Variants in STYX observed in about 807,000 individuals in gnomAD.
STYX encodes the protein serine/threonine/tyrosine interacting protein.
In STYX, 20 loss-of-function variants were observed where a neutral mutation model predicts 42.7. That is an observed-to-expected ratio of 0.47 (90% CI 0.33 to 0.68). The LOEUF (loss-of-function observed/expected upper bound fraction) is 0.68. Ranked by LOEUF, STYX falls within the 30% of genes least tolerant of loss-of-function variation. STYX has a pLI of 0.02. For synonymous variants in STYX, 78 were observed against 81.9 expected (o/e 0.95, Z 0.26); for missense variants, 226 against 268.5 (o/e 0.84, Z 1.11).
chr14:52,747,180 C>T (rs1449388761), intron 3 of STYX, among the ~76,000 whole-genome samples: 2 of 152,198 alleles, frequency 1.3e-5, no homozygotes, highest in African/African-American at 2.4e-5. Flanking sequence ...TGGACTTACT[C>T]AGTTGCAGTT....
Position 52,774,335 on chromosome 14 carries a change from GATAT to G in STYX, c.*3240_*3243del, listed in dbSNP as rs150193481. 6.6e-6 allele frequency: 1 copy of G among 150,380 alleles called. No individual in the cohort carries two copies. Among genetic ancestry groups the G allele is most frequent in the Admixed American group, 6.6e-5 (1 of 15,038 alleles). 9.3% of individuals were successfully genotyped at this position (150,380 alleles called of 1,614,324 possible). A position where few individuals can be genotyped will look rare whatever the true frequency, so the allele number is the denominator to read the frequency against. On this transcript the variant is annotated 3_prime_UTR_variant, in exon 11 of 11. Transcript: ENST00000354586. ...CTGCAATCTTGAATTATAAAGTTGA[GATAT>G]ATATATATATGTATCAAGATCTCAA... is the stretch of plus-strand genomic sequence containing the variant.
At chr14:52,739,913 A>G (rs575614503) in intron 1 of STYX, among the ~76,000 whole-genome samples, 329 of 151,980 alleles carry the variant, frequency 2.2e-3, no homozygotes, top group African/African-American at 7.6e-3. Flanking sequence ...AAGGGCTGGG[A>G]TTGCAGGTGT....
At chr14:52,756,508 GT>G (rs1434836053) in intron 4 of STYX, 42 bp from the exon 5 acceptor site, 10 of 1,143,448 alleles carry the variant, frequency 8.7e-6, no homozygotes, top group Admixed American at 2.4e-5. Flanking sequence ...TACCTTAAGT[GT>G]TTTACTTAAA....
At chr14:52,743,140 T>C (rs931032760) in intron 1 of STYX, among the ~76,000 whole-genome samples, 2 of 152,002 alleles carry the variant, frequency 1.3e-5, no homozygotes, top group African/African-American at 4.8e-5. Flanking sequence ...TATAGTCTAC[T>C]ACTATATTGC....
intron 9 of STYX, among the ~76,000 whole-genome samples, chr14:52,760,047 TAAA>T (rs947138622): frequency 1.3e-5 from 2 of 150,794 alleles, no homozygotes; most frequent in African/African-American, 4.9e-5. Context: ...AATAAAAAAT[TAAA>T]AAAAAATTAG....
chr14:52,769,343 CT>C (rs1882427953), intron 10 of STYX, among the ~76,000 whole-genome samples: 1 of 152,246 alleles, frequency 6.6e-6, no homozygotes, highest in Admixed American at 6.5e-5. Flanking sequence ...CAAGCATGCT[CT>C]TAAAATCTTC....
chr14:52,768,298 G>A (rs1018212796), intron 9 of STYX, among the ~76,000 whole-genome samples: 1 of 152,092 alleles, frequency 6.6e-6, no homozygotes, highest in East Asian at 1.9e-4. Context: ...GACACCAAAA[G>A]CCTTTTTCAT....
intron 9 of STYX, among the ~76,000 whole-genome samples, chr14:52,760,195 C>T (rs1261983020): frequency 2.6e-5 from 4 of 151,966 alleles, no homozygotes; most frequent in Non-Finnish European, 4.4e-5. Context: ...GAGTGAGACC[C>T]CATCCCTAAA....
chr14:52,756,724 G>A (rs1399176381), intron 5 of STYX, 113 bp downstream of exon 5: 2 of 393,616 alleles, frequency 5.1e-6, no homozygotes, highest in Non-Finnish European at 7.9e-6. Flanking sequence ...TTTTACTCTT[G>A]TTGCCCAGGC....
intron 1 of STYX, among the ~76,000 whole-genome samples, chr14:52,732,098 T>TG (rs1555357969): frequency 0.31 from 27,192 of 87,138 alleles, 3,915 homozygotes; most frequent in African/African-American, 0.43. Flanking sequence ...ATGGTTTTTT[T>TG]TTTTTTTTTT....
At chr14:52,759,800 T>A (rs764916239) in intron 9 of STYX, 46 bp downstream of exon 9, 2 of 1,261,030 alleles carry the variant, frequency 1.6e-6, no homozygotes, top group African/African-American at 1.5e-5. Context: ...AGATATAAAA[T>A]CTTTTATACA....
In STYX at chr14:52,771,244, A is replaced by G. The variant is rs951540673; in HGVS notation, c.*138A>G. On this transcript the variant is annotated 3_prime_UTR_variant, in exon 11 of 11. Transcript: ENST00000354586. ...TTGCTTCCAGACATACTTCTCTGCA[A>G]CTTGTTGAGCAACATTTTAAGATGT... 1.2e-5 allele frequency: 8 copies of G among 674,236 alleles called. No homozygotes were observed. In the Admixed American group the frequency reaches 1.9e-4, roughly 16 times the overall value. 41.8% of individuals were successfully genotyped at this position (674,236 alleles called of 1,614,324 possible). A position where few individuals can be genotyped will look rare whatever the true frequency, so the allele number is the denominator to read the frequency against.
At chr14:52,753,014 G>A (rs1881692047) in intron 4 of STYX, among the ~76,000 whole-genome samples, 1 of 145,160 alleles carries the variant, frequency 6.9e-6, no homozygotes, top group Non-Finnish European at 1.5e-5. Context: ...CTGAGTAGCT[G>A]GGATTACAGG....
rs979609182 is a variant in STYX at position 52,759,878 on chromosome 14, TTATTCAAGTTTA to T, written c.504+128_504+139del. On this transcript the variant is annotated intron_variant, in intron 9 of 10. Coordinates refer to ENST00000354586, the MANE Select transcript of STYX (RefSeq NM_145251.4). The stretch of plus-strand genomic sequence containing the variant: ...GCCATAATCTGACTACTTTGATGCT[TTATTCAAGTTTA>T]TATCTCTATTTAGAAGTATTTTCTT... The T allele has an allele frequency of 1.5e-4, 93 of 634,188 alleles. No individual in the cohort carries two copies. In the African/African-American group the frequency reaches 1.6e-3, roughly 11 times the overall value. The allele number at this position is 634,188 out of a possible 1,614,324, so 39.3% of individuals were successfully genotyped here.
intron 9 of STYX, 89 bp downstream of exon 9, chr14:52,759,843 AC>A (rs963485672): frequency 1.1e-5 from 9 of 809,022 alleles, no homozygotes; most frequent in Non-Finnish European, 1.6e-5. Flanking sequence ...CTTTGTGAAT[AC>A]TTAAAATTGC....
At chr14:52,730,859 T>C (rs556969716) in intron 1 of STYX, among the ~76,000 whole-genome samples, 1 of 152,194 alleles carries the variant, frequency 6.6e-6, no homozygotes, top group Non-Finnish European at 1.5e-5. Context: ...GTTGGTTTAG[T>C]CTCCTTTTGA....
At chr14:52,757,475 C>T in intron 6 of STYX, 120 bp downstream of exon 6, 1 of 947,952 alleles carries the variant, frequency 1.1e-6, no homozygotes, top group South Asian at 1.7e-5. Flanking sequence ...TAGCTTACTC[C>T]CAAATTTGTA....
intron 4 of STYX, among the ~76,000 whole-genome samples, chr14:52,752,851 G>A (rs1881677187): frequency 6.8e-6 from 1 of 146,222 alleles, no homozygotes; most frequent in Non-Finnish European, 1.5e-5. Flanking sequence ...TTTTTCTTTC[G>A]TTTTTAATTT....
At chr14:52,742,668 C>G (rs767084694) in intron 1 of STYX, among the ~76,000 whole-genome samples, 4 of 152,044 alleles carry the variant, frequency 2.6e-5, no homozygotes, top group Non-Finnish European at 5.9e-5. Flanking sequence ...CTAAATAAAG[C>G]AGAAATGAAA....
Sources: allele counts gnomAD v4.1 joint callset (sites outside exome capture counted in the v4.1 genomes callset), GRCh38; gene constraint gnomAD v4.1.1; transcripts MANE v1.5; gene names NCBI Gene and HGNC (gene_info 2026-07-23, HGNC 2026-07-21).